The following IGFL2 variants were observed in gnomAD, a reference collection of about 807,000 sequenced individuals.
IGFL2 encodes the protein IGF like family member 2, also known as insulin growth factor-like family member 2.
In IGFL2, 7 loss-of-function variants were observed where a neutral mutation model predicts 13.9. That is an observed-to-expected ratio of 0.51 (90% CI 0.29 to 0.95). The LOEUF (loss-of-function observed/expected upper bound fraction) is 0.95. Ranked by LOEUF, IGFL2 falls within the 40% of genes least tolerant of loss-of-function variation. The probability of loss-of-function intolerance (pLI) is 0.08; values close to 1 mark genes in which losing one functional copy is unlikely to be tolerated. For synonymous variants in IGFL2, 55 were observed against 55.8 expected, an observed-to-expected ratio of 0.99 and a Z score of 0.07; for missense variants, 138 against 147.8, an observed-to-expected ratio of 0.93 and a Z score of 0.34.
chr19:46,134,890 C>T, the IGFL2 span, among the ~76,000 whole-genome samples: 1 of 152,108 alleles, frequency 6.6e-6, no homozygotes, highest in Admixed American at 6.5e-5. Flanking sequence ...GAAGCCAAGC[C>T]CTGACTCTTC....
At chr19:46,085,853 A>C in the IGFL2 span, among the ~76,000 whole-genome samples, 2,050 of 152,268 alleles carry the variant, frequency 0.013, 32 homozygotes, top group Middle Eastern at 0.027. Flanking sequence ...CTTGTATGAA[A>C]AGGATTTTCT....
At chr19:46,169,056 A>C in the IGFL2 span, among the ~76,000 whole-genome samples, 1 of 151,884 alleles carries the variant, frequency 6.6e-6, no homozygotes, top group Non-Finnish European at 1.5e-5. Flanking sequence ...TTTCTTTTTT[A>C]ATTAGCCAGG....
At chr19:46,126,314 C>T in the IGFL2 span, among the ~76,000 whole-genome samples, 1 of 152,186 alleles carries the variant, frequency 6.6e-6, no homozygotes, top group Admixed American at 6.5e-5. Flanking sequence ...TACACAACAT[C>T]ATTCTCAGTT....
chr19:46,124,160 G>A, the IGFL2 span: 4 of 1,610,062 alleles, frequency 2.5e-6, no homozygotes, highest in East Asian at 6.8e-5. Context: ...GGAGCGTCTG[G>A]GGGCAGACAT....
the IGFL2 span, among the ~76,000 whole-genome samples, chr19:46,079,829 A>T: frequency 6.6e-6 from 1 of 152,198 alleles, no homozygotes; most frequent in Admixed American, 6.5e-5. Flanking sequence ...TCAAGGAAAG[A>T]GTCAGTTTCA....
chr19:46,116,306 G>A, the IGFL2 span, among the ~76,000 whole-genome samples: 191 of 152,230 alleles, frequency 1.3e-3, 2 homozygotes, highest in Middle Eastern at 6.8e-3. Flanking sequence ...CAGCAACACC[G>A]TTGATAATGC....
chr19:46,091,941 T>C, the IGFL2 span, among the ~76,000 whole-genome samples: 2 of 152,184 alleles, frequency 1.3e-5, no homozygotes, highest in African/African-American at 4.8e-5. Context: ...TAAACTAAAA[T>C]CTATAAAAAT....
the IGFL2 span, among the ~76,000 whole-genome samples, chr19:46,200,511 C>CTT: frequency 1.3e-5 from 1 of 78,526 alleles, no homozygotes; most frequent in Admixed American, 1.5e-4. Flanking sequence ...TTTCTTTTCT[C>CTT]TTTTCTTTTC....
At chr19:46,154,133 C>T (rs976260974) in intron 1 of IGFL2, among the ~76,000 whole-genome samples, 4 of 152,086 alleles carry the variant, frequency 2.6e-5, no homozygotes, top group African/African-American at 9.7e-5. Context: ...TGATGGTTTC[C>T]AGCTTCATCC....
the IGFL2 span, among the ~76,000 whole-genome samples, chr19:46,132,202 G>A: frequency 8.5e-5 from 13 of 152,142 alleles, no homozygotes; most frequent in African/African-American, 2.7e-4. Flanking sequence ...GGCATGCTAC[G>A]GTTTTGGGTT....
chr19:46,165,299 G>A (rs1974346282), downstream of IGFL2, among the ~76,000 whole-genome samples: 1 of 152,236 alleles, frequency 6.6e-6, no homozygotes, highest in Non-Finnish European at 1.5e-5. Context: ...CTATGGAAGG[G>A]TGCTGAAGTT....
At chr19:46,212,920 G>T in the IGFL2 span, 1 of 152,296 alleles carries the variant, frequency 6.6e-6, no homozygotes, top group East Asian at 1.9e-4. Flanking sequence ...AGTCCCAGGG[G>T]TCCCGCCAGC....
the IGFL2 span, chr19:46,202,712 G>A: frequency 6.6e-6 from 1 of 152,190 alleles, no homozygotes. Context: ...TGAGTTCATG[G>A]ACAAAACGTG....
At chr19:46,145,399 C>T (rs563555542), upstream of IGFL2, among the ~76,000 whole-genome samples, 6 of 152,130 alleles carry the variant, frequency 3.9e-5, no homozygotes, top group African/African-American at 4.8e-5. Context: ...GGCCCTCCCT[C>T]GTCCAGTCCA....
At chr19:46,093,398 C>G in the IGFL2 span, among the ~76,000 whole-genome samples, 6 of 152,116 alleles carry the variant, frequency 3.9e-5, no homozygotes, top group Non-Finnish European at 5.9e-5. Context: ...TATCAGGGAC[C>G]TTGCTTAACT....
the IGFL2 span, among the ~76,000 whole-genome samples, chr19:46,135,181 G>T: frequency 6.6e-6 from 1 of 152,040 alleles, no homozygotes; most frequent in African/African-American, 2.4e-5. Context: ...TACAATTATT[G>T]AAAGCAAGAA....
chr19:46,137,310 G>T, the IGFL2 span: 3 of 1,053,266 alleles, frequency 2.8e-6, no homozygotes, highest in Non-Finnish European at 3.0e-6. Context: ...TATCTCCTTC[G>T]TAGGCTCATT....
chr19:46,200,282 C>G, the IGFL2 span, among the ~76,000 whole-genome samples: 42 of 152,104 alleles, frequency 2.8e-4, no homozygotes, highest in Non-Finnish European at 5.4e-4. Context: ...AATTCTCCTG[C>G]CTCAGCCCCT....
chr19:46,141,035 T>A (rs1324035020), upstream of IGFL2, among the ~76,000 whole-genome samples: 1 of 152,220 alleles, frequency 6.6e-6, no homozygotes, highest in Non-Finnish European at 1.5e-5. Context: ...TTTACCAGAA[T>A]CTAAATTATT....
Sources: allele counts gnomAD v4.1 joint callset (sites outside exome capture counted in the v4.1 genomes callset), GRCh38; gene constraint gnomAD v4.1.1; transcripts MANE v1.5; gene names NCBI Gene and HGNC (gene_info 2026-07-23, HGNC 2026-07-21).